The following CRTAM variants were observed in gnomAD, a reference collection of about 807,000 sequenced individuals.
CRTAM encodes cytotoxic and regulatory T-cell molecule.
A neutral mutation model predicts 50.0 loss-of-function variants in CRTAM; 44 were observed. The observed-to-expected ratio is 0.88, with a 90% CI of 0.69 to 1.13. The LOEUF is 1.13. Ranked by LOEUF, CRTAM falls within the 50% of genes most tolerant of loss-of-function variation. The probability of loss-of-function intolerance (pLI) is 0.00; values close to 1 mark genes in which losing one functional copy is unlikely to be tolerated. For missense variants in CRTAM, 448 were observed against 457.5 expected, an observed-to-expected ratio of 0.98 and a Z score of 0.19; for synonymous variants, 159 against 169.3, an observed-to-expected ratio of 0.94 and a Z score of 0.47.
Position 122,871,306 on chromosome 11 carries a change from G to T in CRTAM, c.1089G>T (p.Lys363Asn). 6.6e-5 allele frequency: 107 copies of T among 1,613,766 alleles called. No individual in the cohort carries two copies. The highest frequency in any genetic ancestry group is 9.0e-5 in the Non-Finnish European group (106 of 1,179,796). Residue 363 changes from lysine to asparagine, a missense_variant, in exon 10 of 10, where the codon AAG becomes AAT. Coordinates refer to ENST00000227348, the MANE Select transcript of CRTAM (RefSeq NM_019604.4). ...HPMRCMNYITKLYSEAKTKRK... is the reference protein window; with the variant it reads ...HPMRCMNYITNLYSEAKTKRK... ...TGCGTTGCATGAACTACATCACAAA[G>T]TTGTACTCAGAAGCAAAAACAAAGA...
At chr11:122,847,810 G>A (rs1286700105) in intron 1 of CRTAM, among the ~76,000 whole-genome samples, 1 of 152,206 alleles carries the variant, frequency 6.6e-6, no homozygotes, top group Non-Finnish European at 1.5e-5. Context: ...TAGAGGCATA[G>A]CTTCTTTAAT....
Position 122,871,134 on chromosome 11 carries a change from A to G in CRTAM, c.1052-135A>G, listed in dbSNP as rs533460094. The G allele has an allele frequency of 1.4e-5, 11 of 780,176 alleles. No homozygotes were observed. In the East Asian group the frequency reaches 3.0e-4, roughly 21 times the overall value. 48.3% of individuals were successfully genotyped at this position (780,176 alleles called of 1,614,324 possible). On this transcript the variant is annotated intron_variant, in intron 9 of 9. Coordinates refer to ENST00000227348, the MANE Select transcript of CRTAM (RefSeq NM_019604.4). ...ATAATAATGCCTTCAGACCATTTAT[A>G]TGCATCAGTAAGTTTTAGGTTTTTA...
chr11:122,861,936 C>T (rs1862089432), intron 5 of CRTAM, among the ~76,000 whole-genome samples: 2 of 152,100 alleles, frequency 1.3e-5, no homozygotes, highest in African/African-American at 4.8e-5. Flanking sequence ...TTGTACTAAA[C>T]ATGTTATATA....
intron 5 of CRTAM, among the ~76,000 whole-genome samples, chr11:122,857,166 A>T (rs1420709457): frequency 1.3e-5 from 2 of 152,232 alleles, no homozygotes; most frequent in Admixed American, 6.5e-5. Context: ...ATAGCTAAAG[A>T]TGTTTTTAAT....
chr11:122,847,342 G>A (rs1490055406), intron 1 of CRTAM, among the ~76,000 whole-genome samples: 1 of 152,112 alleles, frequency 6.6e-6, no homozygotes, highest in Non-Finnish European at 1.5e-5. Context: ...GGTTCAGATG[G>A]TACAAAGCCT....
intron 5 of CRTAM, among the ~76,000 whole-genome samples, chr11:122,861,365 C>T (rs78979924): frequency 1.1e-4 from 13 of 115,042 alleles, no homozygotes; most frequent in Middle Eastern, 5.3e-3. Flanking sequence ...TATATATACA[C>T]ACACACACAC....
chr11:122,856,672 C>T (rs117498320), intron 5 of CRTAM, among the ~76,000 whole-genome samples: 2,196 of 152,324 alleles, frequency 0.014, 20 homozygotes, highest in South Asian at 0.029. Flanking sequence ...TTTTATCAGA[C>T]GAAATCGCTG....
intron 5 of CRTAM, among the ~76,000 whole-genome samples, chr11:122,861,739 C>A (rs981673331): frequency 6.6e-6 from 1 of 151,920 alleles, no homozygotes; most frequent in Non-Finnish European, 1.5e-5. Context: ...CTGTGCCCAC[C>A]CGACATGTCA....
chr11:122,845,710 AAAAT>A (rs1861854922), intron 1 of CRTAM, among the ~76,000 whole-genome samples: 1 of 152,190 alleles, frequency 6.6e-6, no homozygotes, highest in Non-Finnish European at 1.5e-5. Flanking sequence ...CTGTCTCAAA[AAAAT>A]AAATAAATAA....
chr11:122,840,804 A>G (rs78235422), intron 1 of CRTAM, among the ~76,000 whole-genome samples: 11 of 147,822 alleles, frequency 7.4e-5, no homozygotes, highest in Admixed American at 2.0e-4. Context: ...AAATTTATGG[A>G]AAAAAAAAAA....
At chr11:122,850,819 G>T (rs1861920971) in intron 2 of CRTAM, among the ~76,000 whole-genome samples, 1 of 152,216 alleles carries the variant, frequency 6.6e-6, no homozygotes, top group African/African-American at 2.4e-5. Flanking sequence ...AGACTCTTAA[G>T]AATCTCTTGG....
In CRTAM at chr11:122,868,648, T is replaced by G. The variant is rs199499218; in HGVS notation, c.1051+549T>G. On this transcript the variant is annotated intron_variant, in intron 9 of 9. Transcript: ENST00000227348. ...ACCCAAAAATAATGCTTTACCAGAT[T>G]TGAGGTATTTCTTAATCCACCCAAC... is the stretch of plus-strand genomic sequence containing the variant. Among the ~76,000 whole-genome samples, 8 of 152,238 alleles carry G rather than the reference T, an allele frequency of 5.3e-5. No homozygotes were observed. In the East Asian group the frequency reaches 1.5e-3, roughly 29 times the overall value.
intron 1 of CRTAM, among the ~76,000 whole-genome samples, chr11:122,842,565 C>T (rs1421188671): frequency 1.3e-5 from 2 of 152,198 alleles, no homozygotes; most frequent in Non-Finnish European, 2.9e-5. Flanking sequence ...AGGCGTTGAG[C>T]CACCACGCCC....
At chr11:122,847,736 A>G (rs1254483042) in intron 1 of CRTAM, among the ~76,000 whole-genome samples, 1 of 152,250 alleles carries the variant, frequency 6.6e-6, no homozygotes. Context: ...TTGGAGGAAC[A>G]TGGACAAACT....
At chr11:122,844,196 T>A (rs926836900) in intron 1 of CRTAM, among the ~76,000 whole-genome samples, 1 of 152,216 alleles carries the variant, frequency 6.6e-6, no homozygotes, top group Non-Finnish European at 1.5e-5. Context: ...AAAGCCAAAC[T>A]ATATTTCATC....
Position 122,855,858 on chromosome 11 carries a change from TAAG to T in CRTAM, c.652+8_652+10del, listed in dbSNP as rs746806722. On this transcript the variant is annotated splice_donor_5th_base_variant and intron_variant, in intron 5 of 9. Coordinates refer to ENST00000227348, the MANE Select transcript of CRTAM (RefSeq NM_019604.4). ...CACCCTTCCGGTTTGAAGATTTGGGTAAGAAGAACTAATGATTCTCTTGAATAA... is the reference window on the plus strand; with the variant it reads ...CACCCTTCCGGTTTGAAGATTTGGGTAAGAACTAATGATTCTCTTGAATAA... The T allele has an allele frequency of 8.7e-6, 14 of 1,607,764 alleles. No individual in the cohort carries two copies. Among genetic ancestry groups the T allele is most frequent in the African/African-American group, 1.3e-5 (1 of 74,676 alleles).
In CRTAM at chr11:122,868,039, G is replaced by C. The variant is rs1407768265; in HGVS notation, c.991G>C (p.Glu331Gln). The C allele has an allele frequency of 6.2e-7, 1 of 1,612,814 alleles. No homozygotes were observed. Among genetic ancestry groups the C allele is most frequent in the South Asian group, 1.1e-5 (1 of 90,900 alleles). ...KENEVSEHTL[E>Q]SYRSRSNNEE... ...AAACGAAGTTTCAGAACACACACTAGAAAGTTACAGATCAAGGTCAAATAA... is the reference window on the plus strand; with the variant it reads ...AAACGAAGTTTCAGAACACACACTACAAAGTTACAGATCAAGGTCAAATAA... The change falls in exon 9 of 10, where the codon GAA becomes CAA. Residue 331 changes from glutamate (E) to glutamine (Q), a missense_variant. Coordinates refer to ENST00000227348, the MANE Select transcript of CRTAM (RefSeq NM_019604.4).
chr11:122,868,775 G>A (rs1862215976), intron 9 of CRTAM, among the ~76,000 whole-genome samples: 1 of 152,290 alleles, frequency 6.6e-6, no homozygotes, highest in East Asian at 1.9e-4. Flanking sequence ...TTGGGAGGCC[G>A]AGGCGGGCGG....
At chr11:122,850,548 C>A (rs1861917385) in intron 2 of CRTAM, among the ~76,000 whole-genome samples, 1 of 152,174 alleles carries the variant, frequency 6.6e-6, no homozygotes, top group African/African-American at 2.4e-5. Context: ...GACAGGCAAC[C>A]AACTGACTGG....
Sources: allele counts gnomAD v4.1 joint callset (sites outside exome capture counted in the v4.1 genomes callset), GRCh38; gene constraint gnomAD v4.1.1; transcripts MANE v1.5; gene names NCBI Gene and HGNC (gene_info 2026-07-23, HGNC 2026-07-21).